MMS22L: variants seen among roughly 807,000 people sequenced by gnomAD.
MMS22L encodes protein MMS22-like.
In MMS22L, 74 loss-of-function variants were observed where a neutral mutation model predicts 159.1. The observed-to-expected ratio is 0.47, with a 90% CI of 0.39 to 0.56. The LOEUF (loss-of-function observed/expected upper bound fraction) is 0.56, where lower values mean the gene tolerates loss of function less well. Among genes scored for constraint, MMS22L ranks in the 20% least tolerant of loss-of-function variants. The pLI, the probability that MMS22L is intolerant of heterozygous loss-of-function variation, is 0.00. For missense variants in MMS22L, 1,351 were observed against 1,422.1 expected, an observed-to-expected ratio of 0.95 and a Z score of 0.80; for synonymous variants, 517 against 506.9, an observed-to-expected ratio of 1.02 and a Z score of -0.27.
chr6:97,262,336 T>C (rs993793516), intron 9 of MMS22L, among the ~76,000 whole-genome samples: 7 of 151,838 alleles, frequency 4.6e-5, no homozygotes, highest in Non-Finnish European at 8.8e-5. Flanking sequence ...CCTACAAAAA[T>C]AGAGTTGTTA....
chr6:97,189,548 C>A, intron 14 of MMS22L, among the ~76,000 whole-genome samples: 1 of 59,826 alleles, frequency 1.7e-5, no homozygotes. Flanking sequence ...GAGACTCTGT[C>A]TCCAAAAAAA....
chr6:97,194,665 T>C (rs528562818), intron 14 of MMS22L, among the ~76,000 whole-genome samples: 4 of 152,250 alleles, frequency 2.6e-5, no homozygotes, highest in African/African-American at 7.2e-5. Context: ...AATCCTGTCA[T>C]GGAGGAGGAT....
intron 10 of MMS22L, among the ~76,000 whole-genome samples, chr6:97,252,421 G>A (rs1245906118): frequency 6.6e-6 from 1 of 151,992 alleles, no homozygotes; most frequent in East Asian, 1.9e-4. Flanking sequence ...GAGGTAGGCA[G>A]ATTAACCGAG....
chr6:97,163,242 C>T (rs1222832104), intron 21 of MMS22L, among the ~76,000 whole-genome samples: 2 of 151,820 alleles, frequency 1.3e-5, no homozygotes, highest in African/African-American at 4.8e-5. Context: ...AAGCAAGAGG[C>T]CCACCATGGA....
intron 14 of MMS22L, among the ~76,000 whole-genome samples, chr6:97,197,404 T>G (rs1254346191): frequency 6.6e-6 from 1 of 152,148 alleles, no homozygotes; most frequent in East Asian, 1.9e-4. Flanking sequence ...CTAGTCAGTC[T>G]CCAAGTTTTC....
At chr6:97,275,822 T>C (rs992390349) in intron 4 of MMS22L, among the ~76,000 whole-genome samples, 6 of 152,122 alleles carry the variant, frequency 3.9e-5, no homozygotes, top group Non-Finnish European at 7.4e-5. Flanking sequence ...CTTGGCAACA[T>C]AGTGAGACCT....
chr6:97,182,973 C>T (rs1002688343), intron 15 of MMS22L, among the ~76,000 whole-genome samples: 1 of 152,090 alleles, frequency 6.6e-6, no homozygotes, highest in African/African-American at 2.4e-5. Context: ...GATTATTTTT[C>T]TCCAGTGTCA....
Position 97,144,990 on chromosome 6 carries a change from G to GT in MMS22L, c.*1815dup, listed in dbSNP as rs1480119826. ...ACTCTAAGGAGCAAGATTCTCAAAG[G>GT]TATCTTTATCAATCTCCTTTGGAAA... On this transcript the variant is annotated 3_prime_UTR_variant, in exon 25 of 25. Transcript: ENST00000683635. 2 of 132,000 alleles carry GT rather than the reference G, an allele frequency of 1.5e-5. No homozygotes were observed. The highest frequency in any genetic ancestry group is 5.2e-4 in the South Asian group (2 of 3,830). The allele number at this position is 132,000 out of a possible 1,614,324, so 8.2% of individuals were successfully genotyped here.
intron 12 of MMS22L, among the ~76,000 whole-genome samples, chr6:97,233,130 T>A (rs914130629): frequency 6.6e-6 from 1 of 151,952 alleles, no homozygotes; most frequent in Non-Finnish European, 1.5e-5. Context: ...TAGTGTCTCC[T>A]GAATAAACCA....
Position 97,263,341 on chromosome 6 carries a change from G to T in MMS22L, c.936C>A (p.Val312=), listed in dbSNP as rs563240224. ...CATCAATTTTCCAACTTACTTCCGA[G>T]ACAAACCATTTACTTCTGTGGTCTA... ...HLLDHRSKWF[V]SESFWNWLNK... is the part of the protein sequence containing the mutation. Residue 312 remains valine, a synonymous_variant, in exon 9 of 25, where the codon GTC becomes GTA. Transcript: ENST00000683635. 1.9e-6 allele frequency: 3 copies of T among 1,577,730 alleles called. No individual in the cohort carries two copies. The African/African-American group carries it at 4.1e-5, about 22-fold the overall frequency.
intron 14 of MMS22L, among the ~76,000 whole-genome samples, chr6:97,193,329 T>C (rs1806091057): frequency 6.6e-6 from 1 of 152,214 alleles, no homozygotes; most frequent in African/African-American, 2.4e-5. Context: ...TAATGCTGTC[T>C]TACATACAAT....
chr6:97,246,987 GAA>G lies in MMS22L; in HGVS notation c.1120-299_1120-298del, dbSNP rs5878471. Reference sequence around the variant, plus strand: ...TGCTTTCAGATACAAAATCCAACAGGAAAAAAAAAAAATTATATAGCCACATG... The same window carrying G: ...TGCTTTCAGATACAAAATCCAACAGGAAAAAAAAAATTATATAGCCACATG... On this transcript the variant is annotated intron_variant, in intron 10 of 24. Coordinates refer to ENST00000683635, the MANE Select transcript of MMS22L (RefSeq NM_001350599.2). Among the ~76,000 whole-genome samples, 491 of 144,074 alleles carry G rather than the reference GAA, an allele frequency of 3.4e-3. 3 individuals carry two copies. Among genetic ancestry groups the G allele is most frequent in the Middle Eastern group, 0.022 (6 of 274 alleles). The allele number at this position is 144,074 out of a possible 152,430, so 94.5% of individuals were successfully genotyped here.
At chr6:97,282,216 C>T (rs1033883323) in intron 2 of MMS22L, 98 bp downstream of exon 2, 59 of 1,254,596 alleles carry the variant, frequency 4.7e-5, no homozygotes, top group Admixed American at 2.3e-4. Context: ...TAAAACACGA[C>T]TTGGTGAACA....
At chr6:97,235,156 A>C (rs1811263742) in intron 11 of MMS22L, among the ~76,000 whole-genome samples, 1 of 152,222 alleles carries the variant, frequency 6.6e-6, no homozygotes, top group Non-Finnish European at 1.5e-5. Context: ...CGACTGTGCG[A>C]AACTATAAGA....
rs545356400 is a variant in MMS22L at position 97,229,171 on chromosome 6, T to C, written c.1762A>G (p.Ile588Val). The C allele has an allele frequency of 2.5e-6, 4 of 1,613,976 alleles. No homozygotes were observed. Among genetic ancestry groups the C allele is most frequent in the Non-Finnish European group, 3.4e-6 (4 of 1,180,002 alleles). ...GAAAATTTCTCAGCCAAAACACCAA[T>C]GTCCAGATTTTTCTGGGCATACATC... ...LLMYAQKNLD[I>V]GVLAEKFSCA... is the part of the protein sequence containing the mutation. Residue 588 changes from isoleucine to valine, a missense_variant, in exon 14 of 25, where the codon ATT becomes GTT. By Grantham distance (29) the Ile-to-Val change is conservative (BLOSUM62 3). Coordinates refer to ENST00000683635, the MANE Select transcript of MMS22L (RefSeq NM_001350599.2).
Position 97,229,313 on chromosome 6 carries a change from A to G in MMS22L, c.1620T>C (p.Ala540=), listed in dbSNP as rs1284320333. The G allele has an allele frequency of 1.2e-6, 2 of 1,614,070 alleles. No individual in the cohort carries two copies. The highest frequency in any genetic ancestry group is 4.5e-5 in the East Asian group (2 of 44,874). The change falls in exon 14 of 25, where the codon GCT becomes GCC. Residue 540 remains alanine (A), a synonymous_variant. Coordinates refer to ENST00000683635, the MANE Select transcript of MMS22L (RefSeq NM_001350599.2). The stretch of plus-strand genomic sequence containing the variant: ...TTGCAACATCTTCTACCTCTGCAAC[A>G]GCTGCTAACAGTAGAAAAAGGCTAA... ...NFFSLFLLLA[A]VAEVEDVASH... is the part of the protein sequence containing the mutation.
chr6:97,248,702 T>C (rs976325761), intron 10 of MMS22L, among the ~76,000 whole-genome samples: 1 of 151,846 alleles, frequency 6.6e-6, no homozygotes, highest in African/African-American at 2.4e-5. Context: ...TCTACTAAAA[T>C]ACAAAAATTA....
chr6:97,245,693 CT>C (rs1406369399), intron 11 of MMS22L, among the ~76,000 whole-genome samples: 3 of 152,102 alleles, frequency 2.0e-5, no homozygotes, highest in Non-Finnish European at 4.4e-5. Context: ...ATGCAGAATT[CT>C]TTGGCATTCT....
At chr6:97,192,111 C>T (rs973745717) in intron 14 of MMS22L, among the ~76,000 whole-genome samples, 1 of 151,764 alleles carries the variant, frequency 6.6e-6, no homozygotes, top group African/African-American at 2.4e-5. Context: ...TAACAGACAC[C>T]CCAGTACATC....
Sources: allele counts gnomAD v4.1 joint callset (sites outside exome capture counted in the v4.1 genomes callset), GRCh38; gene constraint gnomAD v4.1.1; transcripts MANE v1.5; gene names NCBI Gene and HGNC (gene_info 2026-07-23, HGNC 2026-07-21).